RASAL2: variants seen among roughly 807,000 people sequenced by gnomAD.
RASAL2 encodes the protein ras GTPase-activating protein nGAP.
A neutral mutation model predicts 128.9 loss-of-function variants in RASAL2; 58 were observed. The ratio of observed to expected loss-of-function variants is 0.45; its 90% confidence interval spans 0.36 to 0.56. The LOEUF is 0.56. Ranked by LOEUF, RASAL2 falls within the 20% of genes least tolerant of loss-of-function variation. RASAL2 has a pLI of 0.00. For missense variants in RASAL2, 1,360 were observed against 1,601.6 expected, an observed-to-expected ratio of 0.85 and a Z score of 2.57; for synonymous variants, 561 against 580.8, an observed-to-expected ratio of 0.97 and a Z score of 0.49.
chr1:178,465,838 AAG>A (rs1647624794), intron 15 of RASAL2, 80 bp from the exon 16 acceptor site: 5 of 1,097,784 alleles, frequency 4.6e-6, no homozygotes, highest in African/African-American at 1.7e-5. Context: ...AAAAGAAAGA[AAG>A]AGAAAGAAAG....
At chr1:178,429,715 C>T (rs547330135) in intron 5 of RASAL2, among the ~76,000 whole-genome samples, 1 of 152,240 alleles carries the variant, frequency 6.6e-6, no homozygotes, top group South Asian at 2.1e-4. Context: ...TACCTCCTGT[C>T]ACTCCTGCCA....
chr1:178,287,803 A>C (rs1304307671), intron 2 of RASAL2, among the ~76,000 whole-genome samples: 1 of 152,188 alleles, frequency 6.6e-6, no homozygotes, highest in Admixed American at 6.5e-5. Context: ...AATAAGAATG[A>C]TAACAATGGA....
At chr1:178,267,661 G>A (rs1468360303) in intron 1 of RASAL2, among the ~76,000 whole-genome samples, 7 of 137,142 alleles carry the variant, frequency 5.1e-5, no homozygotes, top group Non-Finnish European at 7.6e-5. Context: ...TTGCTCTGTC[G>A]CCCAGCTGGA....
intron 3 of RASAL2, among the ~76,000 whole-genome samples, chr1:178,347,909 C>T (rs1449307948): frequency 3.9e-5 from 6 of 152,200 alleles, no homozygotes; most frequent in South Asian, 2.1e-4. Context: ...CCCAAATGCT[C>T]ATCAGCAGTA....
intron 1 of RASAL2, among the ~76,000 whole-genome samples, chr1:178,264,804 C>T (rs190999408): frequency 6.6e-6 from 1 of 152,214 alleles, no homozygotes; most frequent in East Asian, 1.9e-4. Flanking sequence ...AATCATTGGC[C>T]ATTGGTGATT....
intron 1 of RASAL2, among the ~76,000 whole-genome samples, chr1:178,248,476 C>T (rs985824463): frequency 3.3e-5 from 5 of 152,066 alleles, no homozygotes; most frequent in African/African-American, 9.7e-5. Flanking sequence ...TACAGCATAT[C>T]GATGGGTCTT....
chr1:178,211,784 A>G (rs904901282), intron 1 of RASAL2, among the ~76,000 whole-genome samples: 10 of 151,842 alleles, frequency 6.6e-5, no homozygotes, highest in African/African-American at 2.2e-4. Flanking sequence ...TATGGTTTCC[A>G]TTTTGTCCCC....
At chr1:178,420,761 A>C (rs934764257) in intron 5 of RASAL2, 141 bp downstream of exon 5, 25 of 601,102 alleles carry the variant, frequency 4.2e-5, no homozygotes, top group Non-Finnish European at 8.5e-6. Flanking sequence ...GTTCATATTA[A>C]GGCAAGATAC....
At chr1:178,218,954 A>T (rs1276135980) in intron 1 of RASAL2, among the ~76,000 whole-genome samples, 2 of 152,266 alleles carry the variant, frequency 1.3e-5, no homozygotes, top group African/African-American at 4.8e-5. Flanking sequence ...TTGTTCCAAT[A>T]GCAGACTGTT....
At chr1:178,255,043 AAAAAAACCC>A (rs1310251390) in intron 1 of RASAL2, among the ~76,000 whole-genome samples, 1 of 152,054 alleles carries the variant, frequency 6.6e-6, no homozygotes, top group African/African-American at 2.4e-5. Context: ...GAAAAAATCC[AAAAAAACCC>A]AAAAAAACTG....
intron 12 of RASAL2, among the ~76,000 whole-genome samples, chr1:178,456,048 A>C (rs1018247335): frequency 2.0e-5 from 3 of 152,222 alleles, no homozygotes; most frequent in African/African-American, 7.2e-5. Flanking sequence ...GGGAACCAGG[A>C]ATACATCTAG....
chr1:178,288,922 A>T (rs1213420184), intron 2 of RASAL2, among the ~76,000 whole-genome samples: 3 of 152,098 alleles, frequency 2.0e-5, no homozygotes, highest in Non-Finnish European at 4.4e-5. Context: ...AAGTGCTGGG[A>T]TTACAGGTGT....
At chr1:178,417,898 G>A (rs56372694) in intron 4 of RASAL2, among the ~76,000 whole-genome samples, 4 of 151,798 alleles carry the variant, frequency 2.6e-5, no homozygotes, top group South Asian at 2.1e-4. Context: ...ATTTTTGGTC[G>A]ACTCCTCGGC....
intron 3 of RASAL2, among the ~76,000 whole-genome samples, chr1:178,329,767 G>T (rs1012041475): frequency 6.6e-6 from 1 of 151,966 alleles, no homozygotes; most frequent in Non-Finnish European, 1.5e-5. Context: ...GATCGCTTAA[G>T]CCCAGGAATT....
intron 1 of RASAL2, among the ~76,000 whole-genome samples, chr1:178,179,603 G>A (rs145759746): frequency 6.6e-6 from 1 of 152,218 alleles, no homozygotes; most frequent in Non-Finnish European, 1.5e-5. Context: ...TTTGGAGGTG[G>A]AAGAAGAAAA....
At chr1:178,370,289 C>T (rs73035280) in intron 3 of RASAL2, among the ~76,000 whole-genome samples, 2,901 of 152,180 alleles carry the variant, frequency 0.019, 80 homozygotes, top group African/African-American at 0.063. Context: ...AAGCAGAAGC[C>T]GTGTCACACC....
At chr1:178,223,960 T>G (rs1663703247) in intron 1 of RASAL2, among the ~76,000 whole-genome samples, 1 of 152,184 alleles carries the variant, frequency 6.6e-6, no homozygotes, top group Non-Finnish European at 1.5e-5. Flanking sequence ...GATCATAGTG[T>G]AGGTTTTATA....
intron 3 of RASAL2, among the ~76,000 whole-genome samples, chr1:178,364,242 G>A (rs1012034548): frequency 6.6e-6 from 1 of 152,086 alleles, no homozygotes; most frequent in Non-Finnish European, 1.5e-5. Flanking sequence ...TTAAATAACT[G>A]TTCACCTTCA....
At chr1:178,274,190 A>G (rs1257582396) in intron 1 of RASAL2, among the ~76,000 whole-genome samples, 3 of 152,160 alleles carry the variant, frequency 2.0e-5, no homozygotes, top group Non-Finnish European at 2.9e-5. Context: ...TAGAGAGGTG[A>G]TATCACAGCA....
Sources: gnomAD v4.1 joint callset for allele counts (sites outside exome capture counted in the v4.1 genomes callset) on GRCh38, gnomAD v4.1.1 for gene constraint, MANE v1.5 for transcripts, NCBI Gene and HGNC (gene_info 2026-07-23, HGNC 2026-07-21) for gene names.